OPRM1: variants seen among roughly 807,000 people sequenced by gnomAD.
The protein encoded by OPRM1 is mu-type opioid receptor.
A neutral mutation model predicts 31.8 loss-of-function variants in OPRM1; 27 were observed. The observed-to-expected ratio is 0.85, with a 90% CI of 0.63 to 1.17. OPRM1 has a LOEUF of 1.17. Ranked by LOEUF, OPRM1 falls within the 50% of genes most tolerant of loss-of-function variation. The pLI, the probability that OPRM1 is intolerant of heterozygous loss-of-function variation, is 0.00. For missense variants in OPRM1, 536 were observed against 511.1 expected (o/e 1.05, Z -0.47); for synonymous variants, 196 against 189.9 (o/e 1.03, Z -0.26).
rs554193641 is a variant in OPRM1 at position 154,130,776 on chromosome 6, G to A, written c.*12055G>A. On this transcript the variant is annotated 3_prime_UTR_variant, in exon 4 of 4. Coordinates refer to ENST00000330432, the MANE Select transcript of OPRM1 (RefSeq NM_000914.5). The stretch of plus-strand genomic sequence containing the variant: ...AATATATATATACCAATATAAATGG[G>A]AATTTATATTGGCACATACATTTCC... 6.6e-6 allele frequency among the ~76,000 whole-genome samples: 1 copy of A among 151,644 alleles called. No homozygotes were observed. Among genetic ancestry groups the A allele is most frequent in the Admixed American group, 6.6e-5 (1 of 15,254 alleles).
At chr6:154,236,298 G>A (rs554822016) in intron 3 of OPRM1, among the ~76,000 whole-genome samples, 9 of 152,266 alleles carry the variant, frequency 5.9e-5, no homozygotes, top group East Asian at 5.8e-4. Context: ...AGTCACAAAA[G>A]GATAAATATT....
chr6:154,167,402 G>A (rs1389057502), intron 3 of OPRM1, among the ~76,000 whole-genome samples: 1 of 152,118 alleles, frequency 6.6e-6, no homozygotes, highest in Non-Finnish European at 1.5e-5. Flanking sequence ...GGCTCTCATG[G>A]TGCTCCTTGG....
intron 3 of OPRM1, among the ~76,000 whole-genome samples, chr6:154,152,390 A>AAGAAAGAGAAAT (rs1360734115): frequency 7.9e-6 from 1 of 126,198 alleles, no homozygotes; most frequent in African/African-American, 3.1e-5. Context: ...GAAAGAAAGA[A>AAGAAAGAGAAAT]AGAGAAATAG....
intron 3 of OPRM1, among the ~76,000 whole-genome samples, chr6:154,138,894 A>C (rs1798129108): frequency 6.6e-6 from 1 of 152,162 alleles, no homozygotes; most frequent in African/African-American, 2.4e-5. Context: ...CAGACTCTAC[A>C]CTTGATGGAT....
At chr6:154,221,140 T>G in intron 3 of OPRM1, 1 of 745,454 alleles carries the variant, frequency 1.3e-6, no homozygotes, top group East Asian at 2.8e-5. Flanking sequence ...AAATTAATCC[T>G]TAAAGTAACA....
At chr6:154,172,821 G>C (rs576423972) in intron 3 of OPRM1, among the ~76,000 whole-genome samples, 8 of 152,212 alleles carry the variant, frequency 5.3e-5, no homozygotes, top group African/African-American at 1.9e-4. Flanking sequence ...CTCCCAGCAC[G>C]GCATTCGATC....
chr6:154,110,633 A>T (rs1187406837), intron 3 of OPRM1, among the ~76,000 whole-genome samples: 1 of 152,100 alleles, frequency 6.6e-6, no homozygotes, highest in Non-Finnish European at 1.5e-5. Flanking sequence ...TCAAGCCTGT[A>T]ATCCCAGCAC....
intron 3 of OPRM1, among the ~76,000 whole-genome samples, chr6:154,226,533 T>C (rs1193208228): frequency 1.3e-5 from 2 of 152,170 alleles, no homozygotes; most frequent in Non-Finnish European, 2.9e-5. Flanking sequence ...AGTTGTATAG[T>C]TGCTGCATCT....
intron 1 of OPRM1, among the ~76,000 whole-genome samples, chr6:154,079,845 G>A (rs1788702583): frequency 6.6e-6 from 1 of 152,054 alleles, no homozygotes; most frequent in South Asian, 2.1e-4. Flanking sequence ...AAAGAGCTTA[G>A]GATTACAGAC....
At chr6:154,110,684 C>T (rs1796242752) in intron 3 of OPRM1, among the ~76,000 whole-genome samples, 1 of 151,922 alleles carries the variant, frequency 6.6e-6, no homozygotes, top group Non-Finnish European at 1.5e-5. Context: ...GTCAGGAAAT[C>T]GAGATCATCC....
intron 3 of OPRM1, among the ~76,000 whole-genome samples, chr6:154,221,767 G>A (rs1269605664): frequency 1.3e-5 from 2 of 152,182 alleles, no homozygotes; most frequent in South Asian, 2.1e-4. Context: ...CCAGCTACCC[G>A]GGAGGCTGAG....
chr6:154,010,745 C>A (rs1389274334), exon 1 of OPRM1: 1 of 1,422,972 alleles, frequency 7.0e-7, no homozygotes, highest in Non-Finnish European at 9.2e-7. Flanking sequence ...GCATGAATTG[C>A]CCCTTTCTCC....
At chr6:154,231,714 C>A (rs745480752) in intron 3 of OPRM1, among the ~76,000 whole-genome samples, 6 of 151,966 alleles carry the variant, frequency 3.9e-5, no homozygotes, top group Non-Finnish European at 8.8e-5. Context: ...GAAAATAAAC[C>A]AAAAACAAAT....
chr6:154,221,117 G>T, intron 3 of OPRM1: 1 of 643,590 alleles, frequency 1.6e-6, no homozygotes, highest in Non-Finnish European at 2.6e-6. Context: ...CGAAGGCATT[G>T]TAACTGCTAA....
rs1308307935 is a variant in OPRM1 at position 154,167,464 on chromosome 6, A to T, written c.1164+75992A>T. Among the ~76,000 whole-genome samples, 3 of 152,188 alleles carry T rather than the reference A, an allele frequency of 2.0e-5. No individual in the cohort carries two copies. In the East Asian group the frequency reaches 5.8e-4, roughly 29 times the overall value. On this transcript the variant is annotated intron_variant, in intron 3 of 3. Coordinates refer to the OPRM1 transcript ENST00000337049. Reference sequence around the variant, plus strand: ...TACATCTTTGCTGCAGCTGAAATCAAGACATTTCCTTCTGGATGCAGTCCT... The same window carrying T: ...TACATCTTTGCTGCAGCTGAAATCATGACATTTCCTTCTGGATGCAGTCCT...
chr6:154,010,764 A>G, exon 1 of OPRM1: 2 of 1,418,710 alleles, frequency 1.4e-6, no homozygotes, highest in Admixed American at 5.7e-5. Context: ...CCTACAAACA[A>G]GAGAATTCGG....
At chr6:154,193,327 A>T (rs1802099355) in intron 3 of OPRM1, among the ~76,000 whole-genome samples, 1 of 152,182 alleles carries the variant, frequency 6.6e-6, no homozygotes, top group Non-Finnish European at 1.5e-5. Flanking sequence ...TGAGGATGCA[A>T]AGGCACGATA....
At chr6:154,165,867 A>G (rs1362999241) in intron 3 of OPRM1, among the ~76,000 whole-genome samples, 1 of 152,270 alleles carries the variant, frequency 6.6e-6, no homozygotes, top group African/African-American at 2.4e-5. Flanking sequence ...CCTGTGGAGA[A>G]GCCCATGTGG....
At chr6:154,085,918 C>G (rs946991374) in intron 1 of OPRM1, among the ~76,000 whole-genome samples, 1 of 105,810 alleles carries the variant, frequency 9.5e-6, no homozygotes, top group African/African-American at 4.5e-5. Flanking sequence ...GACAGTGTCT[C>G]TCTCTGTTGC....
Sources: gnomAD v4.1 joint callset for allele counts (sites outside exome capture counted in the v4.1 genomes callset) on GRCh38, gnomAD v4.1.1 for gene constraint, MANE v1.5 for transcripts, NCBI Gene and HGNC (gene_info 2026-07-23, HGNC 2026-07-21) for gene names.